The following RTN1 variants were observed in gnomAD, a reference collection of about 807,000 sequenced individuals.
RTN1 encodes reticulon-1.
In RTN1, 25 loss-of-function variants were observed where a neutral mutation model predicts 65.5. That is an observed-to-expected ratio of 0.38 (90% CI 0.28 to 0.53). The LOEUF (loss-of-function observed/expected upper bound fraction) is 0.53, where lower values mean the gene tolerates loss of function less well. Among genes scored for constraint, RTN1 ranks in the 20% least tolerant of loss-of-function variants. RTN1 has a pLI of 0.79. For missense variants in RTN1, 983 were observed against 1,025.4 expected, an observed-to-expected ratio of 0.96 and a Z score of 0.57; for synonymous variants, 471 against 447.6, an observed-to-expected ratio of 1.05 and a Z score of -0.66.
chr14:59,793,309 T>C (rs1886382512), intron 1 of RTN1, among the ~76,000 whole-genome samples: 1 of 152,132 alleles, frequency 6.6e-6, no homozygotes, highest in Non-Finnish European at 1.5e-5. Flanking sequence ...AGAAGCAGAG[T>C]TCTATCCTAG....
intron 3 of RTN1, among the ~76,000 whole-genome samples, chr14:59,654,485 A>C (rs926377847): frequency 6.6e-6 from 1 of 151,402 alleles, no homozygotes; most frequent in African/African-American, 2.4e-5. Flanking sequence ...CTGTAAGGTC[A>C]CTATTTCCCT....
At chr14:59,678,551 A>ATTCTGAAAGC (rs1326137448) in intron 3 of RTN1, among the ~76,000 whole-genome samples, 14 of 152,154 alleles carry the variant, frequency 9.2e-5, no homozygotes, top group African/African-American at 3.1e-4. Flanking sequence ...TCCTTTGTGA[A>ATTCTGAAAGC]TTCTGAAAGC....
rs141568474 is a variant in RTN1 at position 59,816,775 on chromosome 14, A to C, written c.241+53615T>G. Among the ~76,000 whole-genome samples, 223 of 152,222 alleles carry C rather than the reference A, an allele frequency of 1.5e-3. 1 individual carries two copies. The highest frequency in any genetic ancestry group is 4.9e-3 in the African/African-American group (204 of 41,528). ...ATGGCAAAATCCCACCTCTACAAAAAATACAATATTAGCTGGGTGTGGTGG... is the reference window on the plus strand; with the variant it reads ...ATGGCAAAATCCCACCTCTACAAAACATACAATATTAGCTGGGTGTGGTGG... On this transcript the variant is annotated intron_variant, in intron 1 of 8. Transcript: ENST00000267484. This position sits in a 1 kb window ranked among gnomAD's most constrained non-coding sequence, Gnocchi z 4.3.
chr14:59,761,390 T>C (rs1384054356), intron 1 of RTN1, among the ~76,000 whole-genome samples: 1 of 152,158 alleles, frequency 6.6e-6, no homozygotes, highest in Non-Finnish European at 1.5e-5. Flanking sequence ...TATAAGGGGC[T>C]TTCCCCATTT....
chr14:59,851,386 T>A (rs1190578597), intron 1 of RTN1, among the ~76,000 whole-genome samples: 1 of 152,106 alleles, frequency 6.6e-6, no homozygotes, highest in African/African-American at 2.4e-5. Flanking sequence ...TTATACCACA[T>A]AGGGGTTAAA....
At chr14:59,603,624 T>G in intron 6 of RTN1, 1 of 334,336 alleles carries the variant, frequency 3.0e-6, no homozygotes, top group Non-Finnish European at 5.4e-6. Flanking sequence ...AGAAGCCAGT[T>G]ATGTTTGAAG....
chr14:59,760,864 A>AATAC lies in RTN1; in HGVS notation c.242-14387_242-14384dup, dbSNP rs1423828533. ...CTCATCGTGCTAGTTCCAACCAGAG[A>AATAC]ATACACTGTAGTTCATCCTGGTCCC... On this transcript the variant is annotated intron_variant, in intron 1 of 8. Coordinates refer to ENST00000267484, the MANE Select transcript of RTN1 (RefSeq NM_021136.3). 3.3e-5 allele frequency among the ~76,000 whole-genome samples: 5 copies of AATAC among 152,232 alleles called. No homozygotes were observed. In the East Asian group the frequency reaches 7.7e-4, roughly 23 times the overall value.
chr14:59,695,999 G>A (rs554774551), intron 3 of RTN1, among the ~76,000 whole-genome samples: 5 of 151,950 alleles, frequency 3.3e-5, no homozygotes, highest in South Asian at 4.1e-4. Context: ...TATAAAATAC[G>A]TAGTTTTGAA....
intron 2 of RTN1, among the ~76,000 whole-genome samples, chr14:59,737,225 A>G (rs568641612): frequency 6.6e-6 from 1 of 152,240 alleles, no homozygotes; most frequent in African/African-American, 2.4e-5. Context: ...AAATCTAACT[A>G]TCTTTGTTTG....
intron 3 of RTN1, among the ~76,000 whole-genome samples, chr14:59,681,816 TTCTG>T (rs1883751138): frequency 6.6e-6 from 1 of 152,166 alleles, no homozygotes; most frequent in African/African-American, 2.4e-5. Flanking sequence ...AGATTCCTGT[TTCTG>T]TCTCACTGTT....
intron 3 of RTN1, among the ~76,000 whole-genome samples, chr14:59,651,381 T>C (rs1883017012): frequency 6.6e-6 from 1 of 151,922 alleles, no homozygotes; most frequent in South Asian, 2.1e-4. Context: ...TATACAAAAA[T>C]CAACTCAAGG....
chr14:59,745,889 G>A lies in RTN1; in HGVS notation c.834C>T (p.Thr278=), dbSNP rs762048456. Residue 278 remains threonine, a synonymous_variant, in exon 2 of 9, where the codon ACC becomes ACT. Transcript: ENST00000267484. Reference sequence around the variant, plus strand: ...CCGTCAGTGTGATTTTGACAGGGGTGGTGATCTGAGGAGCCCTGCGCTGTT... The same window carrying A: ...CCGTCAGTGTGATTTTGACAGGGGTAGTGATCTGAGGAGCCCTGCGCTGTT... ...SEEQRRAPQI[T]TPVKITLTEI... is the part of the protein sequence containing the mutation. The A allele has an allele frequency of 1.9e-6, 3 of 1,614,090 alleles. No homozygotes were observed. In the South Asian group the frequency reaches 3.3e-5, roughly 18 times the overall value.
intron 1 of RTN1, among the ~76,000 whole-genome samples, chr14:59,792,160 T>C (rs1886360526): frequency 6.6e-6 from 1 of 152,166 alleles, no homozygotes; most frequent in Non-Finnish European, 1.5e-5. Context: ...TGCTGGGTTT[T>C]AAATTTATTC....
chr14:59,848,223 T>C (rs1367741440), intron 1 of RTN1, among the ~76,000 whole-genome samples: 3 of 152,194 alleles, frequency 2.0e-5, no homozygotes, highest in Non-Finnish European at 2.9e-5. Flanking sequence ...TAGCATCCCC[T>C]TTTTGAGGGC....
chr14:59,839,602 A>C (rs1887274249), intron 1 of RTN1, among the ~76,000 whole-genome samples: 1 of 152,190 alleles, frequency 6.6e-6, no homozygotes, highest in African/African-American at 2.4e-5. Flanking sequence ...GCCCATTAGC[A>C]AAATTTATTC....
At chr14:59,737,307 T>C (rs935060856) in intron 2 of RTN1, among the ~76,000 whole-genome samples, 1 of 152,178 alleles carries the variant, frequency 6.6e-6, no homozygotes, top group Non-Finnish European at 1.5e-5. Context: ...GATAAGCAAC[T>C]TCAGCAAAGT....
At chr14:59,767,289 C>T (rs1029744849) in intron 1 of RTN1, among the ~76,000 whole-genome samples, 1 of 152,166 alleles carries the variant, frequency 6.6e-6, no homozygotes, top group Non-Finnish European at 1.5e-5. Flanking sequence ...AAACTGGTTG[C>T]CCTTCAGTCT....
At chr14:59,656,532 T>A (rs77659514) in intron 3 of RTN1, among the ~76,000 whole-genome samples, 1,956 of 152,202 alleles carry the variant, frequency 0.013, 14 homozygotes, top group Non-Finnish European at 0.021. Context: ...TACATACAGG[T>A]TAATGGAACA....
Position 59,745,214 on chromosome 14 carries a change from A to G in RTN1, c.1015+494T>C, listed in dbSNP as rs186401526. 1.8e-4 allele frequency among the ~76,000 whole-genome samples: 28 copies of G among 152,346 alleles called. 1 individual carries two copies. The highest frequency in any genetic ancestry group is 1.7e-3 in the Admixed American group (26 of 15,302). ...ACTAGCAAGCCAGAAAGCTTTTACC[A>G]GATGCGCCCCTTTGACCTGGGACTT... On this transcript the variant is annotated intron_variant, in intron 2 of 8. Coordinates refer to ENST00000267484, the MANE Select transcript of RTN1 (RefSeq NM_021136.3).
Sources: gnomAD v4.1 joint callset for allele counts (sites outside exome capture counted in the v4.1 genomes callset) on GRCh38, gnomAD v4.1.1 for gene constraint, Gnocchi (gnomAD v3.1) non-coding constraint, MANE v1.5 for transcripts, NCBI Gene and HGNC (gene_info 2026-07-23, HGNC 2026-07-21) for gene names.